Variants in ITGA3 observed in about 807,000 individuals in gnomAD.
ITGA3 encodes integrin alpha-3.
ITGA3 carries 70 observed loss-of-function variants against 131.1 expected under a neutral mutation model. The ratio of observed to expected loss-of-function variants is 0.53; its 90% CI spans 0.44 to 0.65. The LOEUF (loss-of-function observed/expected upper bound fraction) is 0.65. Ranked by LOEUF, ITGA3 falls within the 30% of genes least tolerant of loss-of-function variation. ITGA3 has a pLI of 0.00. For missense variants in ITGA3, 1,098 were observed against 1,388.6 expected, an observed-to-expected ratio of 0.79 and a Z score of 3.33; for synonymous variants, 537 against 571.6, an observed-to-expected ratio of 0.94 and a Z score of 0.86.
At position 50,059,336 on chromosome 17, in the gene ITGA3, C is replaced by T. The variant is rs576099479; in HGVS notation, c.206+2691C>T. ...GGGAATCCAGGCATTCTGGTCTGGC[C>T]TGACCCTGTGGGCCTATGGGGATAC... On this transcript the variant is annotated intron_variant, in intron 1 of 25. Transcript: ENST00000320031. Among the ~76,000 whole-genome samples, 8 of 152,326 alleles carry T rather than the reference C, an allele frequency of 5.3e-5. No homozygotes were observed. In the East Asian group the frequency reaches 7.7e-4, roughly 15 times the overall value.
rs1188769914 is a variant in ITGA3 at position 50,068,305 on chromosome 17, G to C, written c.664G>C (p.Gly222Arg). The C allele has an allele frequency of 6.2e-7, 1 of 1,612,524 alleles. No homozygotes were observed. The highest frequency in any genetic ancestry group is 8.5e-7 in the Non-Finnish European group (1 of 1,179,792). Reference sequence around the variant, plus strand: ...CGCCCCCGGTGCCTACAACTGGAAAGGTGGGGACCATGGGGCCATGGGGGA... The same window carrying C: ...CGCCCCCGGTGCCTACAACTGGAAACGTGGGGACCATGGGGCCATGGGGGA... ...FGAPGAYNWK[G>R]NSYMIQRKEW... Residue 222 changes from glycine to arginine, a missense_variant and splice_region_variant, in exon 4 of 26, where the codon GGA becomes CGA. By Grantham distance (125) the Gly-to-Arg change is moderately radical (BLOSUM62 -2). Coordinates refer to ENST00000320031, the MANE Select transcript of ITGA3 (RefSeq NM_002204.4).
chr17:50,081,335 G>A lies in ITGA3; in HGVS notation c.2846G>A (p.Arg949Gln), dbSNP rs754766827. 40 of 1,591,496 alleles carry A rather than the reference G, an allele frequency of 2.5e-5. 1 individual carries two copies. Among genetic ancestry groups the A allele is most frequent in the Non-Finnish European group, 3.2e-5 (37 of 1,167,546 alleles). The change falls in exon 23 of 26, where the codon CGG becomes CAG. Residue 949 changes from arginine to glutamine, a missense_variant. Physicochemically the swap from Arg to Gln is conservative, Grantham distance 43 (BLOSUM62 1). Coordinates refer to ENST00000320031, the MANE Select transcript of ITGA3 (RefSeq NM_002204.4). ...GATTACAGAGACTTTGACCGAGTCCGGGTAAATGGCTGGGCTACCCTATTC... is the reference window on the plus strand; with the variant it reads ...GATTACAGAGACTTTGACCGAGTCCAGGTAAATGGCTGGGCTACCCTATTC... ...IEDYRDFDRV[R>Q]VNGWATLFLR...
intron 24 of ITGA3, 124 bp downstream of exon 24, chr17:50,087,993 C>T: frequency 7.4e-7 from 1 of 1,355,742 alleles, no homozygotes; most frequent in African/African-American, 1.4e-5. Context: ...CCTCCCTGTC[C>T]TCTCCACCTT....
Position 50,089,936 on chromosome 17 carries a change from G to A in ITGA3, c.*858G>A. 4.9e-6 allele frequency: 1 copy of A among 203,900 alleles called. No individual in the cohort carries two copies. Among genetic ancestry groups the A allele is most frequent in the Non-Finnish European group, 1.0e-5 (1 of 96,426 alleles). The allele number at this position is 203,900 out of a possible 1,614,324, so 12.6% of individuals were successfully genotyped here. A position where few individuals can be genotyped will look rare whatever the true frequency, so the allele number is the denominator to read the frequency against. On this transcript the variant is annotated 3_prime_UTR_variant, in exon 26 of 26. Transcript: ENST00000320031. ...GCCACAGACTGAACTCGCAGGGAATGCAGCAGGAAGGAACAAAGACAGGCA... is the reference window on the plus strand; with the variant it reads ...GCCACAGACTGAACTCGCAGGGAATACAGCAGGAAGGAACAAAGACAGGCA...
At chr17:50,089,056 T>C in intron 25 of ITGA3, 54 bp from the exon 26 acceptor site, 1 of 1,485,810 alleles carries the variant, frequency 6.7e-7, no homozygotes, top group South Asian at 1.1e-5. Context: ...CACTCCTTCC[T>C]GGTGGCTCAA....
rs774213708 is a variant in ITGA3 at position 50,079,526 on chromosome 17, C to T, written c.2675C>T (p.Ala892Val). 9.6e-6 allele frequency: 15 copies of T among 1,562,656 alleles called. No homozygotes were observed. In the East Asian group the frequency reaches 3.4e-4, roughly 35 times the overall value. ...GQGPPPVTLA[A>V]AKKAKSETVL... Reference sequence around the variant, plus strand: ...GGCCCCCCACCTGTCACTCTGGCTGCTGCCAAAAAAGCCAAGTCTGAGACT... The same window carrying T: ...GGCCCCCCACCTGTCACTCTGGCTGTTGCCAAAAAAGCCAAGTCTGAGACT... The change falls in exon 21 of 26, where the codon GCT becomes GTT. Residue 892 changes from alanine (A) to valine (V), a missense_variant. By Grantham distance (64) the Ala-to-Val change is moderately conservative. Coordinates refer to ENST00000320031, the MANE Select transcript of ITGA3 (RefSeq NM_002204.4).
Position 50,056,874 on chromosome 17 carries a change from G to T in ITGA3, c.206+229G>T, listed in dbSNP as rs1907851864. Among the ~76,000 whole-genome samples the T allele has an allele frequency of 6.6e-6, 1 of 152,140 alleles. No homozygotes were observed. The highest frequency in any genetic ancestry group is 2.1e-4 in the South Asian group (1 of 4,816). On this transcript the variant is annotated intron_variant, in intron 1 of 25. Coordinates refer to ENST00000320031, the MANE Select transcript of ITGA3 (RefSeq NM_002204.4). This position sits in a 1 kb window ranked among gnomAD's most constrained non-coding sequence, Gnocchi z 5.6. ...GAACCTGTCTGGACGCCACCCCTCC[G>T]CCCTTTAGATCTCTCATGAGAGCGG...
At position 50,068,379 on chromosome 17, in the gene ITGA3, C is replaced by A. The variant is rs1462019808; in HGVS notation, c.664+74C>A. The A allele has an allele frequency of 1.1e-5, 16 of 1,519,418 alleles. No homozygotes were observed. The East Asian group carries it at 2.9e-4, about 28-fold the overall frequency. The allele number at this position is 1,519,418 out of a possible 1,614,324, so 94.1% of individuals were successfully genotyped here. A position where few individuals can be genotyped will look rare whatever the true frequency, so the allele number is the denominator to read the frequency against. Reference sequence around the variant, plus strand: ...CACCCCTAGTTAGCCACGGGGACAGCTGGCCTAGACCATCCACACTAGAAA... The same window carrying A: ...CACCCCTAGTTAGCCACGGGGACAGATGGCCTAGACCATCCACACTAGAAA... On this transcript the variant is annotated intron_variant, in intron 4 of 25. Coordinates refer to ENST00000320031, the MANE Select transcript of ITGA3 (RefSeq NM_002204.4).
In ITGA3 at chr17:50,067,812, C is replaced by T. The variant is rs1567698137; in HGVS notation, c.415-244C>T. On this transcript the variant is annotated intron_variant, in intron 3 of 25. Transcript: ENST00000320031. ...CTCATCCTTCCCTGCTTTCCCTTTG[C>T]TGAGATCTCTAAGCCACTCTCAGAT... Among the ~76,000 whole-genome samples, 11 of 151,752 alleles carry T rather than the reference C, an allele frequency of 7.2e-5. No homozygotes were observed. The South Asian group carries it at 2.3e-3, about 32-fold the overall frequency.
chr17:50,056,218 T>G lies in ITGA3; in HGVS notation c.-222T>G. On this transcript the variant is annotated 5_prime_UTR_variant, in exon 1 of 26. Transcript: ENST00000320031. This position sits in a 1 kb window ranked among gnomAD's most constrained non-coding sequence, Gnocchi z 5.6. ...GCAGGGACGGCGGCGACCCGGCCGCTGGGGAGGCAGGAAGATAGACCCACG... is the reference window on the plus strand; with the variant it reads ...GCAGGGACGGCGGCGACCCGGCCGCGGGGGAGGCAGGAAGATAGACCCACG... 1 of 435,726 alleles carries G rather than the reference T, an allele frequency of 2.3e-6. No individual in the cohort carries two copies. The highest frequency in any genetic ancestry group is 3.7e-5 in the East Asian group (1 of 27,078). The allele number at this position is 435,726 out of a possible 1,614,324, so 27.0% of individuals were successfully genotyped here. A position where few individuals can be genotyped will look rare whatever the true frequency, so the allele number is the denominator to read the frequency against.
chr17:50,061,979 G>T (rs1313106138), intron 1 of ITGA3, among the ~76,000 whole-genome samples: 3 of 149,766 alleles, frequency 2.0e-5, no homozygotes, highest in Admixed American at 6.7e-5. Flanking sequence ...GGCGGAGGTG[G>T]CAGTGAGCCG....
At chr17:50,067,905 G>T (rs7215959) in intron 3 of ITGA3, 151 bp from the exon 4 acceptor site, 1 of 998,412 alleles carries the variant, frequency 1.0e-6, no homozygotes, top group Admixed American at 2.4e-5. Flanking sequence ...CTGGAAAGGA[G>T]ATGCAGGTTT....
At chr17:50,075,846 G>A (rs1908865880) in intron 12 of ITGA3, 111 bp downstream of exon 12, 3 of 1,136,812 alleles carry the variant, frequency 2.6e-6, no homozygotes, top group East Asian at 2.5e-5. Context: ...GACAGAGGTT[G>A]GGGACATCGG....
At position 50,090,034 on chromosome 17, in the gene ITGA3, T is replaced by C. The variant is rs1401408500; in HGVS notation, c.*956T>C. On this transcript the variant is annotated 3_prime_UTR_variant, in exon 26 of 26. Coordinates refer to ENST00000320031, the MANE Select transcript of ITGA3 (RefSeq NM_002204.4). ...TCCACAGAGAGGAGGGGACCAATTC[T>C]GGACAGACAGATGTTGGGAGGATAC... The C allele has an allele frequency of 3.4e-6, 1 of 292,206 alleles. No individual in the cohort carries two copies. The highest frequency in any genetic ancestry group is 9.5e-5 in the East Asian group (1 of 10,498). 18.1% of individuals were successfully genotyped at this position (292,206 alleles called of 1,614,324 possible). A position where few individuals can be genotyped will look rare whatever the true frequency, so the allele number is the denominator to read the frequency against.
rs1373962812 is a variant in ITGA3 at position 50,078,880 on chromosome 17, T to C, written c.2354T>C (p.Met785Thr). ...FGGTVMGESG[M>T]KTVEDVGSPL... ...GGGACAGTGATGGGTGAGTCTGGCA[T>C]GAAAACTGTGGAGGATGTAGGAAGC... The change falls in exon 19 of 26, where the codon ATG becomes ACG. Residue 785 changes from methionine to threonine, a missense_variant. By Grantham distance (81) the Met-to-Thr change is moderately conservative (BLOSUM62 -1). This residue lies in a region of ITGA3 where 699 missense variants were observed against 829.2 expected (regional missense o/e 0.84). Transcript: ENST00000320031. The C allele has an allele frequency of 1.2e-6, 2 of 1,613,630 alleles. No homozygotes were observed. The highest frequency in any genetic ancestry group is 2.2e-5 in the East Asian group (1 of 44,874).
intron 4 of ITGA3, among the ~76,000 whole-genome samples, chr17:50,069,474 TG>T (rs1908518569): frequency 6.6e-6 from 1 of 152,098 alleles, no homozygotes; most frequent in Non-Finnish European, 1.5e-5. Flanking sequence ...AAGACTAACG[TG>T]GGCAACGTAG....
chr17:50,071,426 C>T lies in ITGA3; in HGVS notation c.867C>T (p.Gly289=), dbSNP rs200751011. 21 of 1,614,086 alleles carry T rather than the reference C, an allele frequency of 1.3e-5. No homozygotes were observed. Among genetic ancestry groups the T allele is most frequent in the Admixed American group, 1.0e-4 (6 of 60,032 alleles). ...GAVFLLSQEA[G]GDLRRRQVLE... ...TGTTCTTGCTGAGCCAGGAGGCAGG[C>T]GGAGACCTGCGGAGGAGGCAGGTGC... The change falls in exon 6 of 26, where the codon GGC becomes GGT. Residue 289 remains glycine, a synonymous_variant. Transcript: ENST00000320031.
At chr17:50,057,721 C>T (rs931431673) in intron 1 of ITGA3, among the ~76,000 whole-genome samples, 3 of 152,180 alleles carry the variant, frequency 2.0e-5, no homozygotes, top group Non-Finnish European at 4.4e-5. Flanking sequence ...GCCTCTGACC[C>T]CACTGAACAA....
Position 50,073,947 on chromosome 17 carries a change from G to A in ITGA3, c.1188G>A (p.Leu396=). ...DIAVGAPFEG[L]GKVYIYHSSS... is the part of the protein sequence containing the mutation. The stretch of plus-strand genomic sequence containing the variant: ...CTGTGGGAGCTCCGTTTGAAGGCTT[G>A]GGCAAAGTGTACATCTATCACAGTA... Residue 396 remains leucine, a synonymous_variant, in exon 8 of 26, where the codon TTG becomes TTA. Coordinates refer to ENST00000320031, the MANE Select transcript of ITGA3 (RefSeq NM_002204.4). 1 of 1,614,066 alleles carries A rather than the reference G, an allele frequency of 6.2e-7. No individual in the cohort carries two copies. Among genetic ancestry groups the A allele is most frequent in the Non-Finnish European group, 8.5e-7 (1 of 1,179,972 alleles).
Sources: gnomAD v4.1 joint callset for allele counts (sites outside exome capture counted in the v4.1 genomes callset) on GRCh38, gnomAD v4.1.1 for gene constraint, gnomAD v4.1.1 regional missense constraint, Gnocchi (gnomAD v3.1) non-coding constraint, MANE v1.5 for transcripts, NCBI Gene and HGNC (gene_info 2026-07-23, HGNC 2026-07-21) for gene names.